Variants in LMO1 observed in about 807,000 individuals in gnomAD.
The protein encoded by LMO1 is LIM domain only 1.
Under a neutral mutation model 18.0 loss-of-function variants are expected in LMO1, and 10 were observed. That is an observed-to-expected ratio of 0.55 (90% CI 0.34 to 0.94). The LOEUF (loss-of-function observed/expected upper bound fraction) is 0.94. Among genes scored for constraint, LMO1 ranks in the 40% least tolerant of loss-of-function variants. The pLI, the probability that LMO1 is intolerant of heterozygous loss-of-function variation, is 0.02. For synonymous variants in LMO1, 77 were observed against 77.9 expected (o/e 0.99, Z 0.06); for missense variants, 183 against 205.7 (o/e 0.89, Z 0.68).
chr11:8,252,597 C>CT (rs1249943704), intron 1 of LMO1, among the ~76,000 whole-genome samples: 1 of 152,280 alleles, frequency 6.6e-6, no homozygotes, highest in African/African-American at 2.4e-5. Flanking sequence ...TAAGCAGACA[C>CT]TGTCTTTCAA....
intron 1 of LMO1, among the ~76,000 whole-genome samples, chr11:8,254,519 G>C (rs1318207981): frequency 1.3e-5 from 2 of 152,110 alleles, no homozygotes; most frequent in Non-Finnish European, 2.9e-5. Context: ...TCAGCTCAGG[G>C]AACACAGAAC....
At chr11:8,232,638 C>T (rs913398420) in intron 1 of LMO1, among the ~76,000 whole-genome samples, 18 of 152,184 alleles carry the variant, frequency 1.2e-4, no homozygotes, top group African/African-American at 3.9e-4. Flanking sequence ...ACAGCCCCTA[C>T]AAGGCTCACG....
intron 1 of LMO1, among the ~76,000 whole-genome samples, chr11:8,235,612 T>C (rs1280463086): frequency 6.6e-6 from 1 of 152,212 alleles, no homozygotes; most frequent in African/African-American, 2.4e-5. Context: ...AAGTTTAGTC[T>C]ACTTACATCT....
At position 8,226,806 on chromosome 11, in the gene LMO1, CACACATAAA is replaced by C. The variant is rs1952550688; in HGVS notation, c.365+160_365+168del. 21 of 1,297,106 alleles carry C rather than the reference CACACATAAA, an allele frequency of 1.6e-5. No individual in the cohort carries two copies. The South Asian group carries it at 3.4e-4, about 21-fold the overall frequency. The allele number at this position is 1,297,106 out of a possible 1,614,324, so 80.3% of individuals were successfully genotyped here. A position where few individuals can be genotyped will look rare whatever the true frequency, so the allele number is the denominator to read the frequency against. ...CACACATTTGGCTACCGAGCTTACA[CACACATAAA>C]ACACATAAAGCACATGCACGCTCAT... On this transcript the variant is annotated intron_variant, in intron 3 of 3. Transcript: ENST00000335790.
chr11:8,258,731 G>A (rs1037069401), intron 1 of LMO1, among the ~76,000 whole-genome samples: 5 of 152,190 alleles, frequency 3.3e-5, no homozygotes, highest in Non-Finnish European at 5.9e-5. Flanking sequence ...GATGAGAAGC[G>A]GGTCCCAGCT....
At chr11:8,240,640 G>C (rs1472295795) in intron 1 of LMO1, among the ~76,000 whole-genome samples, 2 of 151,948 alleles carry the variant, frequency 1.3e-5, no homozygotes, top group Non-Finnish European at 2.9e-5. Flanking sequence ...TCCTCACGTG[G>C]CAGAAGGGGC....
intron 1 of LMO1, among the ~76,000 whole-genome samples, chr11:8,236,896 T>G (rs568318104): frequency 6.6e-5 from 10 of 152,216 alleles, no homozygotes; most frequent in Non-Finnish European, 1.2e-4. Flanking sequence ...TATATAAATA[T>G]ACACTTATGC....
intron 1 of LMO1, among the ~76,000 whole-genome samples, chr11:8,238,498 C>T (rs1472409608): frequency 2.6e-5 from 4 of 151,900 alleles, no homozygotes; most frequent in South Asian, 2.1e-4. Flanking sequence ...GGTGAAACCC[C>T]GTCTCTACTA....
chr11:8,232,587 C>T (rs987849486), intron 1 of LMO1, among the ~76,000 whole-genome samples: 10 of 152,192 alleles, frequency 6.6e-5, no homozygotes, highest in Admixed American at 3.3e-4. Flanking sequence ...GAGGTACGCA[C>T]TCAAACACCG....
upstream of LMO1, chr11:8,268,406 C>A: frequency 2.7e-6 from 4 of 1,468,186 alleles, no homozygotes; most frequent in Non-Finnish European, 3.6e-6. Context: ...CGGGCACCGG[C>A]ACCGGGCGCC....
In LMO1 at chr11:8,230,457, C is replaced by T; in HGVS notation, c.73G>A (p.Ala25Thr). The T allele has an allele frequency of 6.2e-7, 1 of 1,613,908 alleles. No individual in the cohort carries two copies. Among genetic ancestry groups the T allele is most frequent in the Non-Finnish European group, 8.5e-7 (1 of 1,179,908 alleles). ...VQPKGKQKGCAGCNRKIKDRY... is the reference protein window; with the variant it reads ...VQPKGKQKGCTGCNRKIKDRY... Reference sequence around the variant, plus strand: ...TCCTTGATCTTGCGGTTACAGCCCGCACAGCCCTTCTGCTTCCCTTTGGGC... The same window carrying T: ...TCCTTGATCTTGCGGTTACAGCCCGTACAGCCCTTCTGCTTCCCTTTGGGC... The change falls in exon 2 of 4, where the codon GCG becomes ACG. Residue 25 changes from alanine (A) to threonine (T), a missense_variant. Transcript: ENST00000335790.
chr11:8,262,098 C>G (rs1004997616), intron 1 of LMO1, among the ~76,000 whole-genome samples: 4 of 152,218 alleles, frequency 2.6e-5, no homozygotes. Context: ...AGTCACTTAG[C>G]TTTGCATTTT....
chr11:8,262,448 C>T (rs1847201821), intron 1 of LMO1, among the ~76,000 whole-genome samples: 1 of 152,322 alleles, frequency 6.6e-6, no homozygotes, highest in African/African-American at 2.4e-5. Context: ...GGGCTGGGAT[C>T]CCCAGCCTTC....
In LMO1 at chr11:8,237,101, A is replaced by G. The variant is rs1467293012; in HGVS notation, c.26-6597T>C. On this transcript the variant is annotated intron_variant, in intron 1 of 3. Coordinates refer to ENST00000335790, the MANE Select transcript of LMO1 (RefSeq NM_002315.3). The stretch of plus-strand genomic sequence containing the variant: ...CCCTCATGGACCCACGTGCAACGTC[A>G]GACATTACCCAGAAGTTGATCCCAC... 3.3e-5 allele frequency among the ~76,000 whole-genome samples: 5 copies of G among 152,000 alleles called. No homozygotes were observed. The East Asian group carries it at 7.8e-4, about 24-fold the overall frequency.
chr11:8,242,803 T>C (rs16937230), intron 1 of LMO1, among the ~76,000 whole-genome samples: 10,274 of 152,290 alleles, frequency 0.067, 433 homozygotes, highest in South Asian at 0.18. Context: ...TTTCACAGCA[T>C]CAGGGACGTG....
rs1312792001 is a variant in LMO1 at position 8,251,985 on chromosome 11, G to T, written c.25+11353C>A. ...TTGTGTGTGGGGGTGTGCGTGTGTG[G>T]GGGTGTGCGTGTGTGTGTGTGAATG... is the stretch of plus-strand genomic sequence containing the variant. On this transcript the variant is annotated intron_variant, in intron 1 of 3. Transcript: ENST00000335790. Among the ~76,000 whole-genome samples the T allele has an allele frequency of 4.9e-4, 55 of 111,784 alleles. No individual in the cohort carries two copies. The East Asian group carries it at 0.012, about 24-fold the overall frequency. The allele number at this position is 111,784 out of a possible 152,430, so 73.3% of individuals were successfully genotyped here.
chr11:8,247,159 A>AG (rs565879016), intron 1 of LMO1, among the ~76,000 whole-genome samples: 135 of 152,344 alleles, frequency 8.9e-4, no homozygotes, highest in Admixed American at 2.7e-3. Context: ...TGCCCATGGC[A>AG]GGGGGGTCCC....
At chr11:8,260,254 G>A (rs1319081201) in intron 1 of LMO1, among the ~76,000 whole-genome samples, 1 of 152,146 alleles carries the variant, frequency 6.6e-6, no homozygotes, top group Non-Finnish European at 1.5e-5. Flanking sequence ...TGCTCCCTTG[G>A]GATTTTAACC....
chr11:8,242,637 G>A (rs1240545682), intron 1 of LMO1, among the ~76,000 whole-genome samples: 10 of 152,174 alleles, frequency 6.6e-5, no homozygotes, highest in Non-Finnish European at 1.0e-4. Flanking sequence ...TGTGGGGACT[G>A]GTGGAGAGCA....
Sources: allele counts gnomAD v4.1 joint callset (sites outside exome capture counted in the v4.1 genomes callset), GRCh38; gene constraint gnomAD v4.1.1; transcripts MANE v1.5; gene names NCBI Gene and HGNC (gene_info 2026-07-23, HGNC 2026-07-21).